COP1: variants seen among roughly 807,000 people sequenced by gnomAD.
The protein encoded by COP1 is E3 ubiquitin-protein ligase COP1.
COP1 carries 24 observed loss-of-function variants against 101.3 expected under a neutral mutation model. That is an observed-to-expected ratio of 0.24 (90% CI 0.17 to 0.33). The LOEUF (loss-of-function observed/expected upper bound fraction) is 0.33, where lower values mean the gene tolerates loss of function less well. Among genes scored for constraint, COP1 ranks in the 10% least tolerant of loss-of-function variants. COP1 has a pLI of 1.00. For synonymous variants in COP1, 347 were observed against 341.9 expected, an observed-to-expected ratio of 1.01 and a Z score of -0.17; for missense variants, 663 against 906.2, an observed-to-expected ratio of 0.73 and a Z score of 3.45.
At chr1:176,107,780 C>A (rs1684569840) in intron 9 of COP1, among the ~76,000 whole-genome samples, 2 of 152,122 alleles carry the variant, frequency 1.3e-5, no homozygotes, top group South Asian at 4.1e-4. Context: ...CAAATAGATA[C>A]CATATGCCTC....
intron 2 of COP1, among the ~76,000 whole-genome samples, chr1:176,176,349 A>G (rs1572694735): frequency 6.6e-6 from 1 of 152,336 alleles, no homozygotes; most frequent in East Asian, 1.9e-4. Context: ...CAGACTATTC[A>G]TATTATTGGC....
rs180850637 is a variant in COP1 at position 176,026,277 on chromosome 1, T to C, written c.1729+1295A>G. On this transcript the variant is annotated intron_variant, in intron 15 of 19. Transcript: ENST00000367669. Reference sequence around the variant, plus strand: ...CCATAAATGATGGCCAGTATGTTTATAAAACAGAACATACACTCAAACTCA... The same window carrying C: ...CCATAAATGATGGCCAGTATGTTTACAAAACAGAACATACACTCAAACTCA... Among the ~76,000 whole-genome samples the C allele has an allele frequency of 6.9e-3, 1,043 of 152,136 alleles. 8 individuals are homozygous for C. Among genetic ancestry groups the C allele is most frequent in the Non-Finnish European group, 0.011 (768 of 67,978 alleles).
intron 11 of COP1, among the ~76,000 whole-genome samples, chr1:176,066,140 T>C (rs2149324273): frequency 6.6e-6 from 1 of 152,320 alleles, no homozygotes; most frequent in South Asian, 2.1e-4. Flanking sequence ...GTGTTGACCC[T>C]AGAAGCTCAA....
chr1:176,129,802 T>C (rs1688614784), intron 8 of COP1, among the ~76,000 whole-genome samples: 1 of 125,770 alleles, frequency 8.0e-6, no homozygotes, highest in East Asian at 2.4e-4. Flanking sequence ...AGAAATCACA[T>C]CAATAAGATA....
At chr1:176,124,157 T>C (rs1251177608) in intron 8 of COP1, among the ~76,000 whole-genome samples, 1 of 152,162 alleles carries the variant, frequency 6.6e-6, no homozygotes, top group Non-Finnish European at 1.5e-5. Context: ...GTGTATATAC[T>C]TATGAGGTAC....
intron 2 of COP1, among the ~76,000 whole-genome samples, chr1:176,179,992 T>C (rs1697530931): frequency 6.6e-6 from 1 of 152,188 alleles, no homozygotes; most frequent in South Asian, 2.1e-4. Flanking sequence ...TACATACCAC[T>C]GTATACAACT....
At chr1:176,148,767 T>TAA (rs1346237266) in intron 6 of COP1, among the ~76,000 whole-genome samples, 1 of 152,140 alleles carries the variant, frequency 6.6e-6, no homozygotes, top group Non-Finnish European at 1.5e-5. Flanking sequence ...AGTTTTTAGG[T>TAA]AAGTTATTGC....
chr1:176,068,004 CTT>C (rs1676317758), intron 11 of COP1, among the ~76,000 whole-genome samples: 1 of 152,186 alleles, frequency 6.6e-6, no homozygotes, highest in African/African-American at 2.4e-5. Flanking sequence ...GACAAGGGAA[CTT>C]TTCCCATTTC....
At chr1:176,060,758 G>T (rs1674698545) in intron 11 of COP1, among the ~76,000 whole-genome samples, 1 of 152,052 alleles carries the variant, frequency 6.6e-6, no homozygotes, top group African/African-American at 2.4e-5. Flanking sequence ...CAGTTTAGAA[G>T]AATATTTCAT....
intron 15 of COP1, among the ~76,000 whole-genome samples, chr1:175,996,962 C>T (rs1345710241): frequency 6.6e-6 from 1 of 151,544 alleles, no homozygotes; most frequent in Non-Finnish European, 1.5e-5. Context: ...GCCAAAAGAA[C>T]AAAGCTGGAG....
chr1:176,024,608 A>G (rs192096920), intron 15 of COP1, among the ~76,000 whole-genome samples: 2 of 152,324 alleles, frequency 1.3e-5, no homozygotes, highest in African/African-American at 4.8e-5. Context: ...TCTATTTAAC[A>G]TTGTACTTGA....
Position 176,007,461 on chromosome 1 carries a change from C to T in COP1, c.1730-17982G>A, listed in dbSNP as rs548703221. 1.8e-3 allele frequency among the ~76,000 whole-genome samples: 268 copies of T among 151,504 alleles called. 1 individual carries two copies. The highest frequency in any genetic ancestry group is 6.8e-3 in the Middle Eastern group (2 of 292). On this transcript the variant is annotated intron_variant, in intron 15 of 19. Transcript: ENST00000367669. ...CCAGTTTTTCTGTTCTGTTTTTTTCCCATCTTTGTGGTTTTATCTACTTTT... is the reference window on the plus strand; with the variant it reads ...CCAGTTTTTCTGTTCTGTTTTTTTCTCATCTTTGTGGTTTTATCTACTTTT...
chr1:175,954,770 ATTAC>A (rs1650399578), intron 18 of COP1, among the ~76,000 whole-genome samples: 1 of 152,234 alleles, frequency 6.6e-6, no homozygotes, highest in East Asian at 1.9e-4. Context: ...AGAGAAAGAC[ATTAC>A]AAAAACAAAT....
rs145549407 is a variant in COP1, at chr1:176,088,545, G to A, written c.1027-2655C>T. Among the ~76,000 whole-genome samples the A allele has an allele frequency of 2.6e-3, 402 of 151,950 alleles. 3 individuals carry two copies. The highest frequency in any genetic ancestry group is 9.2e-3 in the African/African-American group (381 of 41,442). On this transcript the variant is annotated intron_variant, in intron 9 of 19. Transcript: ENST00000367669. ...ACTCAAGCAAATACATAAGATCTGC[G>A]CTTTTCTTTATATGTGTTTTACCTC...
chr1:176,032,840 TGGAGGCCA>T (rs1489121381), intron 14 of COP1, among the ~76,000 whole-genome samples: 1 of 152,042 alleles, frequency 6.6e-6, no homozygotes, highest in Non-Finnish European at 1.5e-5. Context: ...CAGAGATCCC[TGGAGGCCA>T]TGATGGATGC....
At chr1:176,081,120 C>A in intron 11 of COP1, 32 bp downstream of exon 11, 1 of 1,536,742 alleles carries the variant, frequency 6.5e-7, no homozygotes, top group Non-Finnish European at 8.9e-7. Context: ...GACATTCTTA[C>A]AAAAGAAAAT....
chr1:176,115,672 C>T (rs113315470), intron 9 of COP1, among the ~76,000 whole-genome samples: 1,719 of 151,428 alleles, frequency 0.011, 41 homozygotes, highest in African/African-American at 0.039. Context: ...TCACTTGAAC[C>T]CAGGAGGAGG....
At chr1:176,086,829 G>A (rs949214771) in intron 9 of COP1, among the ~76,000 whole-genome samples, 4 of 152,128 alleles carry the variant, frequency 2.6e-5, no homozygotes, top group Non-Finnish European at 5.9e-5. Flanking sequence ...GAACAAAGCT[G>A]GAGGCATCAC....
intron 8 of COP1, chr1:176,133,850 A>G (rs139258179): frequency 2.2e-4 from 99 of 454,992 alleles, no homozygotes; most frequent in African/African-American, 1.5e-3. Context: ...TACTTACATA[A>G]TAAGTATTCC....
Sources: allele counts gnomAD v4.1 joint callset (sites outside exome capture counted in the v4.1 genomes callset), GRCh38; gene constraint gnomAD v4.1.1; transcripts MANE v1.5; gene names NCBI Gene and HGNC (gene_info 2026-07-23, HGNC 2026-07-21).